The following SVOPL variants were observed in gnomAD, a reference collection of about 807,000 sequenced individuals.
The protein encoded by SVOPL is putative transporter SVOPL.
Under a neutral mutation model 61.0 loss-of-function variants are expected in SVOPL, and 60 were observed. The ratio of observed to expected loss-of-function variants is 0.98; its 90% CI spans 0.80 to 1.22. SVOPL has a LOEUF of 1.22. Among genes scored for constraint, SVOPL ranks in the 50% most tolerant of loss-of-function variants. The pLI, the probability that SVOPL is intolerant of heterozygous loss-of-function variation, is 0.00. For missense variants in SVOPL, 662 were observed against 643.9 expected (o/e 1.03, Z -0.30); for synonymous variants, 279 against 250.0 (o/e 1.12, Z -1.09).
At chr7:138,624,366 G>A (rs1799803905) in intron 13 of SVOPL, among the ~76,000 whole-genome samples, 1 of 152,176 alleles carries the variant, frequency 6.6e-6, no homozygotes, top group Non-Finnish European at 1.5e-5. Flanking sequence ...AAATCTTTGG[G>A]ATCTAATTTC....
At chr7:138,632,456 CTG>C (rs59107878) in intron 9 of SVOPL, among the ~76,000 whole-genome samples, 16,495 of 151,862 alleles carry the variant, frequency 0.11, 2,533 homozygotes, top group African/African-American at 0.34. Context: ...AGACAGATGA[CTG>C]TGAAGAAGAT....
At chr7:138,691,494 G>A (rs1476282928) in intron 1 of SVOPL, among the ~76,000 whole-genome samples, 1 of 152,160 alleles carries the variant, frequency 6.6e-6, no homozygotes, top group African/African-American at 2.4e-5. Context: ...CAAGAAACCT[G>A]GAAATCTTCC....
intron 14 of SVOPL, among the ~76,000 whole-genome samples, chr7:138,599,614 G>C (rs962311976): frequency 6.6e-6 from 1 of 152,142 alleles, no homozygotes; most frequent in Admixed American, 6.5e-5. Context: ...TTTGCCAGGC[G>C]TGGTGGCTCA....
chr7:138,621,172 T>C, intron 13 of SVOPL, 37 bp from the exon 14 acceptor site: 1 of 1,584,046 alleles, frequency 6.3e-7, no homozygotes, highest in Non-Finnish European at 8.6e-7. Flanking sequence ...AGTCAGATAA[T>C]GTCCGTCCTT....
chr7:138,651,129 C>T (rs757419277), intron 7 of SVOPL, among the ~76,000 whole-genome samples: 3 of 151,960 alleles, frequency 2.0e-5, no homozygotes, highest in Non-Finnish European at 4.4e-5. Context: ...CCACCAGGAT[C>T]GTTGGAAGGG....
chr7:138,604,486 T>C (rs1018907222), intron 14 of SVOPL, among the ~76,000 whole-genome samples: 1 of 151,788 alleles, frequency 6.6e-6, no homozygotes, highest in Non-Finnish European at 1.5e-5. Flanking sequence ...CCAGCCTGGC[T>C]AACATGCCAA....
chr7:138,635,468 T>C (rs111508597), intron 9 of SVOPL, among the ~76,000 whole-genome samples: 11,574 of 151,496 alleles, frequency 0.076, 533 homozygotes, highest in East Asian at 0.14. Context: ...GAACTCCTGG[T>C]CTCAAGCAAC....
chr7:138,657,142 A>ATTTG (rs1563124381), intron 6 of SVOPL, among the ~76,000 whole-genome samples: 1 of 81,142 alleles, frequency 1.2e-5, no homozygotes, highest in Non-Finnish European at 2.2e-5. Context: ...TTGTTTATTT[A>ATTTG]TTTATTTATT....
chr7:138,603,501 C>T (rs1017254469), intron 14 of SVOPL, among the ~76,000 whole-genome samples: 5 of 152,154 alleles, frequency 3.3e-5, no homozygotes, highest in Admixed American at 6.5e-5. Flanking sequence ...CTGGCCAACA[C>T]AGTGAAACCC....
chr7:138,630,156 GCAGC>G (rs1800108650), intron 9 of SVOPL, 34 bp from the exon 10 acceptor site: 3 of 1,523,080 alleles, frequency 2.0e-6, no homozygotes, highest in Non-Finnish European at 2.7e-6. Flanking sequence ...AACATACTCA[GCAGC>G]TTAAGGATGA....
chr7:138,596,408 A>G lies in SVOPL; in HGVS notation c.1467+9T>C. The stretch of plus-strand genomic sequence containing the variant: ...TTGAAAAGACTTCAGAGTTCCCTGC[A>G]TCACTCACCTGGAGGGCCCGTCCTT... On this transcript the variant is annotated intron_variant, in intron 15 of 15. Transcript: ENST00000674285. 6.2e-7 allele frequency: 1 copy of G among 1,613,340 alleles called. No individual in the cohort carries two copies. The highest frequency in any genetic ancestry group is 8.5e-7 in the Non-Finnish European group (1 of 1,179,572).
intron 7 of SVOPL, among the ~76,000 whole-genome samples, chr7:138,650,018 GAC>G (rs1801340914): frequency 6.6e-6 from 1 of 152,058 alleles, no homozygotes; most frequent in African/African-American, 2.4e-5. Flanking sequence ...TTTTAGTAGA[GAC>G]AGTGTTTCAC....
intron 1 of SVOPL, among the ~76,000 whole-genome samples, chr7:138,686,562 G>GTT (rs979219572): frequency 4.8e-4 from 32 of 66,944 alleles, no homozygotes; most frequent in African/African-American, 7.3e-4. Context: ...TGTTTTTTGG[G>GTT]TTTTTTTTTT....
At position 138,641,272 on chromosome 7, in the gene SVOPL, CAA is replaced by C. The variant is rs199906922; in HGVS notation, c.789+3443_789+3444del. On this transcript the variant is annotated intron_variant, in intron 9 of 15. Coordinates refer to ENST00000674285, the MANE Select transcript of SVOPL (RefSeq NM_001139456.2). ...TTAAATTCAGTTTAGACAACTACAA[CAA>C]AAAAAAAAATGTAAGGTCCAAAGCC... Among the ~76,000 whole-genome samples, 935 of 131,616 alleles carry C rather than the reference CAA, an allele frequency of 7.1e-3. 12 individuals carry two copies. The highest frequency in any genetic ancestry group is 0.024 in the African/African-American group (883 of 37,412). 86.3% of individuals were successfully genotyped at this position (131,616 alleles called of 152,430 possible). A position where few individuals can be genotyped will look rare whatever the true frequency, so the allele number is the denominator to read the frequency against.
chr7:138,672,656 T>TTTTTTAAAAAAAA (rs35924408), intron 3 of SVOPL, among the ~76,000 whole-genome samples: 2 of 118,858 alleles, frequency 1.7e-5, no homozygotes, highest in African/African-American at 3.3e-5. Flanking sequence ...TTTTTGTGTT[T>TTTTTTAAAAAAAA]AAAAAAAAAA....
At chr7:138,631,706 G>A (rs1041536112) in intron 9 of SVOPL, among the ~76,000 whole-genome samples, 11 of 152,102 alleles carry the variant, frequency 7.2e-5, no homozygotes, top group Non-Finnish European at 1.5e-4. Flanking sequence ...GTAGCTGGGA[G>A]TACAGGTGTA....
intron 5 of SVOPL, chr7:138,662,028 G>T: frequency 1.0e-6 from 1 of 985,418 alleles, no homozygotes; most frequent in Non-Finnish European, 1.2e-6. Flanking sequence ...GGGGCAAAAG[G>T]GTGAGTCTTT....
At position 138,644,797 on chromosome 7, in the gene SVOPL, C is replaced by T; in HGVS notation, c.709G>A (p.Ala237Thr). ...RFNVSTGNTR[A>T]ALATLERVAK... ...ACGCGCTCCAGAGTGGCCAGGGCAG[C>T]CCGAGTGTTCCCAGTGGAGACATTG... The change falls in exon 9 of 16, where the codon GCT (alanine) becomes ACT (threonine). Residue 237 changes from alanine to threonine, a missense_variant. By Grantham distance (58) the Ala-to-Thr change is moderately conservative. Transcript: ENST00000674285. 6.2e-7 allele frequency: 1 copy of T among 1,614,128 alleles called. No individual in the cohort carries two copies. Among genetic ancestry groups the T allele is most frequent in the South Asian group, 1.1e-5 (1 of 91,080 alleles).
Position 138,630,139 on chromosome 7 carries a change from G to A in SVOPL, c.790-17C>T, listed in dbSNP as rs751867532. The A allele has an allele frequency of 2.3e-5, 37 of 1,596,208 alleles. No individual in the cohort carries two copies. In the East Asian group the frequency reaches 8.0e-4, roughly 35 times the overall value. On this transcript the variant is annotated splice_polypyrimidine_tract_variant and intron_variant, in intron 9 of 15. Transcript: ENST00000674285. ...TCTTTTTTCCTGGGGTAATGAAAAGGAGACAGAACATACTCAGCAGCTTAA... is the reference window on the plus strand; with the variant it reads ...TCTTTTTTCCTGGGGTAATGAAAAGAAGACAGAACATACTCAGCAGCTTAA...
Sources: gnomAD v4.1 joint callset for allele counts (sites outside exome capture counted in the v4.1 genomes callset) on GRCh38, gnomAD v4.1.1 for gene constraint, MANE v1.5 for transcripts, NCBI Gene and HGNC (gene_info 2026-07-23, HGNC 2026-07-21) for gene names.